Variants in SMPX observed in about 807,000 individuals in gnomAD.
SMPX encodes small muscle protein X-linked.
Under a neutral mutation model 6.3 loss-of-function variants are expected in SMPX, and 2 were observed. The ratio of observed to expected loss-of-function variants is 0.32; its 90% CI spans 0.13 to 0.99. SMPX has a LOEUF of 0.99. SMPX is among the 50% of genes least tolerant of loss of function. The pLI, the probability that SMPX is intolerant of heterozygous loss-of-function variation, is 0.49. For synonymous variants in SMPX, 32 were observed against 24.7 expected (o/e 1.30, Z -0.88); for missense variants, 60 against 66.8 (o/e 0.90, Z 0.36).
chrX:21,736,255 G>T (rs1322845792), intron 4 of SMPX, among the ~76,000 whole-genome samples: 2 of 112,034 alleles, frequency 1.8e-5, no homozygotes, highest in Non-Finnish European at 3.8e-5. Flanking sequence ...TCCTCATTCT[G>T]TCTAGAGGAG....
intron 1 of SMPX, among the ~76,000 whole-genome samples, chrX:21,755,120 C>T (rs901964195): frequency 2.7e-5 from 3 of 112,510 alleles, no homozygotes; most frequent in Admixed American, 9.4e-5. Context: ...TTAGGGGATG[C>T]GGGATGCAAT....
intron 4 of SMPX, among the ~76,000 whole-genome samples, chrX:21,710,845 A>C (rs5951621): frequency 0.36 from 40,264 of 110,528 alleles, 9,250 homozygotes; most frequent in African/African-American, 0.86. Context: ...ACGTGCCAGG[A>C]ACTCCACCAA....
intron 4 of SMPX, among the ~76,000 whole-genome samples, chrX:21,722,347 A>G (rs983637911): frequency 1.8e-5 from 2 of 112,252 alleles, no homozygotes; most frequent in African/African-American, 6.5e-5. Context: ...GTCTCAGCAT[A>G]TATTTGAAGC....
chrX:21,724,780 C>G (rs2092795188), intron 4 of SMPX, among the ~76,000 whole-genome samples: 1 of 112,000 alleles, frequency 8.9e-6, no homozygotes, highest in Non-Finnish European at 1.9e-5. Flanking sequence ...AATCTTCCAC[C>G]CTTTGTGAAG....
rs749971805 is a variant in SMPX at position 21,731,455 on chromosome X, A to AT, written c.*14+6093_*14+6094insA. Among the ~76,000 whole-genome samples the AT allele has an allele frequency of 3.9e-3, 311 of 79,622 alleles. 7 individuals carry two copies. Among genetic ancestry groups the AT allele is most frequent in the Middle Eastern group, 0.016 (2 of 122 alleles). The allele number at this position is 79,622 out of a possible 115,157, so 69.1% of individuals were successfully genotyped here. A position where few individuals can be genotyped will look rare whatever the true frequency, so the allele number is the denominator to read the frequency against. The stretch of plus-strand genomic sequence containing the variant: ...TGTGTGTATGTGTACACATACACAT[A>AT]ATGTGTGTATGTGTACACATACACA... On this transcript the variant is annotated intron_variant, in intron 4 of 4. Transcript: ENST00000379494.
At chrX:21,711,396 C>T (rs575370494) in intron 4 of SMPX, among the ~76,000 whole-genome samples, 2 of 111,985 alleles carry the variant, frequency 1.8e-5, no homozygotes, top group Middle Eastern at 9.3e-3. Context: ...GCCCTGTTCT[C>T]CTGTATGGGG....
chrX:21,753,541 A>G (rs2092829665), intron 2 of SMPX, among the ~76,000 whole-genome samples: 1 of 112,321 alleles, frequency 8.9e-6, no homozygotes, highest in South Asian at 3.8e-4. Flanking sequence ...GAAAGATGGA[A>G]TTTTACAATA....
At chrX:21,736,264 A>G (rs1403320525) in intron 4 of SMPX, among the ~76,000 whole-genome samples, 1 of 111,990 alleles carries the variant, frequency 8.9e-6, no homozygotes, top group Non-Finnish European at 1.9e-5. Context: ...TGTCTAGAGG[A>G]GAAGACACAG....
chrX:21,713,582 C>G (rs1045287374), intron 4 of SMPX, among the ~76,000 whole-genome samples: 1 of 111,439 alleles, frequency 9.0e-6, no homozygotes, highest in African/African-American at 3.3e-5. Flanking sequence ...CAGGGGAACT[C>G]CCCTTTATCA....
chrX:21,709,131 A>T (rs1286737081), intron 4 of SMPX, among the ~76,000 whole-genome samples: 1 of 112,006 alleles, frequency 8.9e-6, no homozygotes, highest in East Asian at 2.8e-4. Flanking sequence ...CACAAAGTGG[A>T]AGTAAGATAC....
intron 4 of SMPX, among the ~76,000 whole-genome samples, chrX:21,731,704 GTA>G (rs2092805065): frequency 9.9e-6 from 1 of 101,310 alleles, no homozygotes; most frequent in Admixed American, 1.0e-4. Context: ...ACATAAATGT[GTA>G]TATGTGTATA....
chrX:21,734,613 C>T (rs2092808568), intron 4 of SMPX, among the ~76,000 whole-genome samples: 2 of 111,359 alleles, frequency 1.8e-5, no homozygotes, highest in Non-Finnish European at 3.8e-5. Flanking sequence ...ATGCCAGTTC[C>T]AGCCTGGACT....
chrX:21,714,595 C>A (rs1358390098), intron 4 of SMPX, among the ~76,000 whole-genome samples: 1 of 111,506 alleles, frequency 9.0e-6, no homozygotes, highest in Non-Finnish European at 1.9e-5. Context: ...ATTTATTAAC[C>A]CCCCCACCCT....
At chrX:21,738,714 G>A (rs1353172086) in intron 3 of SMPX, among the ~76,000 whole-genome samples, 3 of 110,669 alleles carry the variant, frequency 2.7e-5, no homozygotes, top group Non-Finnish European at 5.7e-5. Context: ...CACTTCCCAC[G>A]GCTGCTTGTA....
chrX:21,722,044 C>T (rs1056853029), intron 4 of SMPX, among the ~76,000 whole-genome samples: 2 of 110,480 alleles, frequency 1.8e-5, no homozygotes, highest in Non-Finnish European at 3.8e-5. Flanking sequence ...ACCTGTGGTC[C>T]CAGCTACTTG....
intron 1 of SMPX, among the ~76,000 whole-genome samples, chrX:21,756,238 G>A (rs1404599572): frequency 8.9e-6 from 1 of 112,213 alleles, no homozygotes; most frequent in Non-Finnish European, 1.9e-5. Flanking sequence ...ATTTCTTTAT[G>A]TTATGACAAT....
At chrX:21,732,872 T>C (rs1200805983) in intron 4 of SMPX, among the ~76,000 whole-genome samples, 2 of 110,707 alleles carry the variant, frequency 1.8e-5, no homozygotes, top group Admixed American at 1.9e-4. Flanking sequence ...GGGGTCCCCA[T>C]GATAGAATTA....
intron 1 of SMPX, among the ~76,000 whole-genome samples, chrX:21,756,248 T>C (rs765785317): frequency 6.2e-5 from 7 of 112,529 alleles, no homozygotes; most frequent in East Asian, 5.6e-4. Flanking sequence ...GTTATGACAA[T>C]AGCAAGTTGA....
intron 2 of SMPX, among the ~76,000 whole-genome samples, chrX:21,746,399 C>T (rs188862281): frequency 6.3e-5 from 7 of 111,616 alleles, no homozygotes; most frequent in African/African-American, 2.3e-4. Flanking sequence ...CTCACTCTCT[C>T]AAACCCGTCT....
Sources: allele counts gnomAD v4.1 joint callset (sites outside exome capture counted in the v4.1 genomes callset), GRCh38; gene constraint gnomAD v4.1.1; transcripts MANE v1.5; gene names NCBI Gene and HGNC (gene_info 2026-07-23, HGNC 2026-07-21).